Variants in MAF observed in about 807,000 individuals in gnomAD.
The protein encoded by MAF is MAF bZIP transcription factor.
MAF carries 10 observed loss-of-function variants against 22.0 expected under a neutral mutation model. The ratio of observed to expected loss-of-function variants is 0.45; its 90% CI spans 0.28 to 0.77. MAF has a LOEUF of 0.77. MAF is among the 30% of genes least tolerant of loss of function. The pLI, the probability that MAF is intolerant of heterozygous loss-of-function variation, is 0.12. For missense variants in MAF, 544 were observed against 548.4 expected, an observed-to-expected ratio of 0.99 and a Z score of 0.08; for synonymous variants, 337 against 255.8, an observed-to-expected ratio of 1.32 and a Z score of -3.03.
the MAF span, among the ~76,000 whole-genome samples, chr16:79,372,417 A>G: frequency 6.6e-6 from 1 of 152,212 alleles, no homozygotes; most frequent in South Asian, 2.1e-4. Context: ...ACTGTGATAT[A>G]TGTCTGCTCA....
chr16:79,561,744 TAGA>T, the MAF span, among the ~76,000 whole-genome samples: 1 of 152,122 alleles, frequency 6.6e-6, no homozygotes, highest in Non-Finnish European at 1.5e-5. Flanking sequence ...AAATAAAAAT[TAGA>T]AGAATTATCC....
chr16:79,350,402 C>A, the MAF span, among the ~76,000 whole-genome samples: 5 of 152,204 alleles, frequency 3.3e-5, no homozygotes, highest in African/African-American at 1.2e-4. Context: ...CAGCTGTGGA[C>A]AAACGAAATT....
chr16:79,229,095 G>A, the MAF span, among the ~76,000 whole-genome samples: 1 of 151,364 alleles, frequency 6.6e-6, no homozygotes, highest in South Asian at 2.1e-4. Context: ...TGTGATCCTG[G>A]CAAATCATGT....
chr16:79,463,692 C>T, the MAF span, among the ~76,000 whole-genome samples: 11 of 151,910 alleles, frequency 7.2e-5, no homozygotes, highest in African/African-American at 2.4e-4. Context: ...TGGCATTGGA[C>T]GTGTAAATAG....
the MAF span, among the ~76,000 whole-genome samples, chr16:79,359,959 G>A: frequency 6.8e-4 from 103 of 152,284 alleles, no homozygotes; most frequent in Non-Finnish European, 1.3e-3. Flanking sequence ...TGCCATTCAT[G>A]GGTGAATGCT....
the MAF span, among the ~76,000 whole-genome samples, chr16:79,448,079 A>C: frequency 6.6e-6 from 1 of 152,272 alleles, no homozygotes; most frequent in East Asian, 1.9e-4. Context: ...AGAATATTCC[A>C]TACACTTAGT....
At chr16:79,419,898 T>C in the MAF span, among the ~76,000 whole-genome samples, 1 of 145,584 alleles carries the variant, frequency 6.9e-6, no homozygotes, top group African/African-American at 2.8e-5. Flanking sequence ...ATCCAAGGCA[T>C]TTTAAATCTC....
At chr16:79,512,219 AG>A in the MAF span, among the ~76,000 whole-genome samples, 3 of 152,190 alleles carry the variant, frequency 2.0e-5, no homozygotes, top group Non-Finnish European at 4.4e-5. Context: ...GAACAGGCAA[AG>A]CTTCACCTTC....
the MAF span, among the ~76,000 whole-genome samples, chr16:79,411,587 G>T: frequency 6.6e-6 from 1 of 152,146 alleles, no homozygotes; most frequent in Non-Finnish European, 1.5e-5. Context: ...AGTGATGGAG[G>T]CAACCTATAA....
intron 1 of MAF, among the ~76,000 whole-genome samples, chr16:79,586,233 A>G (rs1317778308): frequency 6.6e-6 from 1 of 152,214 alleles, no homozygotes; most frequent in East Asian, 1.9e-4. Context: ...AGCCTGGATC[A>G]GCTTTGAAGC....
the MAF span, among the ~76,000 whole-genome samples, chr16:79,366,812 C>T: frequency 2.0e-5 from 3 of 152,192 alleles, no homozygotes; most frequent in South Asian, 2.1e-4. Context: ...TATTTAAGCC[C>T]TTGAGATTGG....
the MAF span, among the ~76,000 whole-genome samples, chr16:79,555,542 G>A: frequency 1.3e-5 from 2 of 152,122 alleles, no homozygotes; most frequent in Non-Finnish European, 2.9e-5. Context: ...ACTACACAGT[G>A]GAAAGATACC....
At chr16:79,241,827 A>T in the MAF span, among the ~76,000 whole-genome samples, 1 of 152,158 alleles carries the variant, frequency 6.6e-6, no homozygotes, top group Non-Finnish European at 1.5e-5. Context: ...GAAGCCCATC[A>T]GACTAACAGC....
the MAF span, among the ~76,000 whole-genome samples, chr16:79,499,554 A>C: frequency 3.3e-5 from 5 of 152,144 alleles, no homozygotes. Flanking sequence ...AAGGTGATTA[A>C]GTCACGAGAA....
chr16:79,505,602 T>C, the MAF span: 152,447 of 152,448 alleles, frequency 1, 76,223 homozygotes, highest in Non-Finnish European at 1. Context: ...CAATGCAGAT[T>C]TCAGGGCCCG....
downstream of MAF, among the ~76,000 whole-genome samples, chr16:79,592,677 A>G (rs1306489035): frequency 6.6e-6 from 1 of 152,216 alleles, no homozygotes; most frequent in Non-Finnish European, 1.5e-5. Context: ...TTTTCCTCAG[A>G]ACAACAAGGA....
chr16:79,330,879 G>A, the MAF span, among the ~76,000 whole-genome samples: 1 of 152,228 alleles, frequency 6.6e-6, no homozygotes, highest in Non-Finnish European at 1.5e-5. Flanking sequence ...GGCCAGGCCT[G>A]CCTGACTCCA....
chr16:79,435,197 G>A, the MAF span, among the ~76,000 whole-genome samples: 7 of 151,916 alleles, frequency 4.6e-5, no homozygotes, highest in Admixed American at 6.6e-5. Flanking sequence ...TACACACACA[G>A]CTGTACACAC....
the MAF span, among the ~76,000 whole-genome samples, chr16:79,567,211 G>A: frequency 2.6e-5 from 4 of 152,140 alleles, no homozygotes; most frequent in Admixed American, 6.5e-5. Flanking sequence ...CCAGCTACTT[G>A]GGAGGCTGAG....
Sources: gnomAD v4.1 joint callset for allele counts (sites outside exome capture counted in the v4.1 genomes callset) on GRCh38, gnomAD v4.1.1 for gene constraint, MANE v1.5 for transcripts, NCBI Gene and HGNC (gene_info 2026-07-23, HGNC 2026-07-21) for gene names.